Variants in CNTN5 observed in about 807,000 individuals in gnomAD.
CNTN5 encodes the protein contactin 5, also known as contactin-5.
In CNTN5, 77 loss-of-function variants were observed where a neutral mutation model predicts 129.1. The ratio of observed to expected loss-of-function variants is 0.60; its 90% CI spans 0.50 to 0.72. The LOEUF (loss-of-function observed/expected upper bound fraction) is 0.72, where lower values mean the gene tolerates loss of function less well. Ranked by LOEUF, CNTN5 falls within the 30% of genes least tolerant of loss-of-function variation. The probability of loss-of-function intolerance (pLI) is 0.00; values close to 1 mark genes in which losing one functional copy is unlikely to be tolerated. For missense variants in CNTN5, 1,478 were observed against 1,328.8 expected (o/e 1.11, Z -1.75); for synonymous variants, 509 against 465.6 (o/e 1.09, Z -1.20).
At chr11:100,312,626 A>G (rs1951492371) in intron 21 of CNTN5, among the ~76,000 whole-genome samples, 1 of 152,080 alleles carries the variant, frequency 6.6e-6, no homozygotes, top group South Asian at 2.1e-4. Flanking sequence ...TGACAATAAA[A>G]CAAATATTGA....
chr11:99,346,281 G>T (rs946389521), intron 2 of CNTN5, among the ~76,000 whole-genome samples: 5 of 152,144 alleles, frequency 3.3e-5, no homozygotes, highest in Non-Finnish European at 7.4e-5. Context: ...TATCAACAAA[G>T]AATTGAATTA....
chr11:99,280,286 A>G (rs1863635337), intron 1 of CNTN5, among the ~76,000 whole-genome samples: 1 of 151,756 alleles, frequency 6.6e-6, no homozygotes, highest in Non-Finnish European at 1.5e-5. Context: ...AACACATATG[A>G]AATAAATCAA....
chr11:99,619,285 T>A (rs1280516223), intron 3 of CNTN5, among the ~76,000 whole-genome samples: 1 of 152,164 alleles, frequency 6.6e-6, no homozygotes, highest in Admixed American at 6.5e-5. Flanking sequence ...AAATTCTAAA[T>A]TTTTCACAAA....
intron 1 of CNTN5, among the ~76,000 whole-genome samples, chr11:99,090,130 C>T (rs542167391): frequency 9.3e-4 from 141 of 152,120 alleles, no homozygotes; most frequent in Non-Finnish European, 1.7e-3. Context: ...TCATAAGAAC[C>T]CACTTCCTCA....
chr11:100,298,851 G>A (rs1951155546), intron 19 of CNTN5, among the ~76,000 whole-genome samples: 1 of 151,154 alleles, frequency 6.6e-6, no homozygotes, highest in Non-Finnish European at 1.5e-5. Context: ...TCCCCAACAT[G>A]TTAATCCAAA....
Position 99,343,582 on chromosome 11 carries a change from T to A in CNTN5, c.-71+18098T>A, listed in dbSNP as rs111616510. Reference sequence around the variant, plus strand: ...CATAGTTTTAAGATAATCTGAAAAATTTATATTATTGTGTTATACGTCGAT... The same window carrying A: ...CATAGTTTTAAGATAATCTGAAAAAATTATATTATTGTGTTATACGTCGAT... On this transcript the variant is annotated intron_variant, in intron 2 of 24. Coordinates refer to ENST00000524871, the MANE Select transcript of CNTN5 (RefSeq NM_014361.4). Among the ~76,000 whole-genome samples, 234 of 152,300 alleles carry A rather than the reference T, an allele frequency of 1.5e-3. 1 individual carries two copies. Among genetic ancestry groups the A allele is most frequent in the African/African-American group, 5.5e-3 (230 of 41,572 alleles).
At chr11:99,191,137 C>G (rs992339203) in intron 1 of CNTN5, among the ~76,000 whole-genome samples, 1 of 151,358 alleles carries the variant, frequency 6.6e-6, no homozygotes, top group Non-Finnish European at 1.5e-5. Flanking sequence ...ATGTGTGTAC[C>G]ATATTTATAG....
At chr11:100,106,130 T>C (rs772375972) in intron 13 of CNTN5, among the ~76,000 whole-genome samples, 1 of 152,126 alleles carries the variant, frequency 6.6e-6, no homozygotes, top group Non-Finnish European at 1.5e-5. Flanking sequence ...GGACTGCAGA[T>C]GGTGCTGCTG....
At chr11:99,032,868 C>T (rs529402894) in intron 1 of CNTN5, among the ~76,000 whole-genome samples, 197 of 142,988 alleles carry the variant, frequency 1.4e-3, no homozygotes, top group African/African-American at 5.2e-3. Flanking sequence ...ATGGTATTGC[C>T]TAGGTTTTCT....
At chr11:99,822,570 C>T (rs1946835344) in intron 4 of CNTN5, among the ~76,000 whole-genome samples, 1 of 152,028 alleles carries the variant, frequency 6.6e-6, no homozygotes, top group African/African-American at 2.4e-5. Flanking sequence ...AAAACATGAA[C>T]TTGAGATAGC....
At chr11:99,577,559 G>A (rs1248757172) in intron 3 of CNTN5, among the ~76,000 whole-genome samples, 10 of 152,048 alleles carry the variant, frequency 6.6e-5, no homozygotes, top group Non-Finnish European at 1.5e-4. Flanking sequence ...AGGATGTCAT[G>A]ATTTTCATTT....
chr11:100,004,592 T>C (rs1940077708), intron 9 of CNTN5, among the ~76,000 whole-genome samples: 1 of 152,192 alleles, frequency 6.6e-6, no homozygotes, highest in African/African-American at 2.4e-5. Flanking sequence ...AGGATCCAAC[T>C]CAGACATTTC....
At chr11:99,045,336 T>G (rs186101344) in intron 1 of CNTN5, among the ~76,000 whole-genome samples, 1 of 152,370 alleles carries the variant, frequency 6.6e-6, no homozygotes, top group Admixed American at 6.5e-5. Flanking sequence ...GCATGCCTGA[T>G]AGCATGCTAA....
intron 13 of CNTN5, among the ~76,000 whole-genome samples, chr11:100,084,069 G>T (rs533564663): frequency 6.6e-6 from 1 of 152,106 alleles, no homozygotes; most frequent in East Asian, 1.9e-4. Context: ...TACATCTCTA[G>T]CTAATTACCA....
chr11:100,130,933 C>A (rs1038202973), intron 13 of CNTN5, among the ~76,000 whole-genome samples: 4 of 151,890 alleles, frequency 2.6e-5, no homozygotes, highest in African/African-American at 7.3e-5. Context: ...AAGGAAATAC[C>A]AATAAACAAT....
intron 21 of CNTN5, among the ~76,000 whole-genome samples, chr11:100,331,327 T>C (rs1031126943): frequency 3.3e-5 from 5 of 152,066 alleles, no homozygotes; most frequent in African/African-American, 1.2e-4. Context: ...GCTCCCAAGT[T>C]TATAAAACAA....
chr11:100,164,721 G>A (rs1038371459), intron 13 of CNTN5, among the ~76,000 whole-genome samples: 2 of 151,770 alleles, frequency 1.3e-5, no homozygotes, highest in African/African-American at 4.8e-5. Flanking sequence ...AGTAACAGAT[G>A]ACTAATATGA....
chr11:100,259,216 T>C (rs1485025401), intron 17 of CNTN5, among the ~76,000 whole-genome samples: 2 of 151,992 alleles, frequency 1.3e-5, no homozygotes, highest in East Asian at 3.9e-4. Flanking sequence ...TACATAATGG[T>C]AAAGGGATCA....
intron 6 of CNTN5, among the ~76,000 whole-genome samples, chr11:99,894,712 T>C (rs1406386361): frequency 1.3e-5 from 2 of 152,148 alleles, no homozygotes; most frequent in African/African-American, 2.4e-5. Flanking sequence ...TTCACCTTAC[T>C]AATAAAATAT....
Sources: gnomAD v4.1 joint callset for allele counts (sites outside exome capture counted in the v4.1 genomes callset) on GRCh38, gnomAD v4.1.1 for gene constraint, MANE v1.5 for transcripts, NCBI Gene and HGNC (gene_info 2026-07-23, HGNC 2026-07-21) for gene names.